Variants in CCDC192 observed in about 807,000 individuals in gnomAD.
CCDC192 encodes the protein coiled-coil domain containing 192, also known as coiled-coil domain-containing protein 192.
At chr5:127,765,635 A>T (rs112841297) in intron 3 of CCDC192, among the ~76,000 whole-genome samples, 3,296 of 152,326 alleles carry the variant, frequency 0.022, 120 homozygotes, top group African/African-American at 0.075. Context: ...CTGTTTGGGA[A>T]TATGAATCAT....
At chr5:127,872,159 GA>G (rs1036585607) in intron 5 of CCDC192, among the ~76,000 whole-genome samples, 27 of 150,130 alleles carry the variant, frequency 1.8e-4, no homozygotes, top group Middle Eastern at 6.8e-3. Context: ...CTGGAGAAAA[GA>G]AAAAAAAAGA....
intron 5 of CCDC192, among the ~76,000 whole-genome samples, chr5:127,815,099 G>A (rs77312389): frequency 0.036 from 5,544 of 152,174 alleles, 226 homozygotes; most frequent in African/African-American, 0.1. Flanking sequence ...ATGCTCAGTA[G>A]TAAGACTCTA....
chr5:127,918,901 TTA>T (rs1284049971), intron 6 of CCDC192, among the ~76,000 whole-genome samples: 7 of 152,078 alleles, frequency 4.6e-5, no homozygotes, highest in East Asian at 1.9e-4. Flanking sequence ...ATGTGTATGT[TTA>T]TGTTTGCATA....
chr5:127,826,942 G>A (rs1317291942), intron 5 of CCDC192, among the ~76,000 whole-genome samples: 1 of 151,994 alleles, frequency 6.6e-6, no homozygotes, highest in African/African-American at 2.4e-5. Flanking sequence ...TTTTAAAAGA[G>A]GAACAATGTT....
intron 6 of CCDC192, among the ~76,000 whole-genome samples, chr5:127,884,342 C>CAAAAAAAAAAAAAAA (rs778430655): frequency 3.4e-4 from 4 of 11,852 alleles, no homozygotes; most frequent in Admixed American, 1.5e-3. Context: ...GACTCCGTCT[C>CAAAAAAAAAAAAAAA]AAAAAAAAAA....
In CCDC192 at chr5:127,792,072, G is replaced by T. The variant is rs527799050; in HGVS notation, c.223-5031G>T. ...TATGCCTGTAATCCCAGCACTTTGG[G>T]AGGCCAAGTTTGGTGGATTGCTTGA... On this transcript the variant is annotated intron_variant, in intron 3 of 6. Coordinates refer to ENST00000514853, the MANE Select transcript of CCDC192 (RefSeq NM_001317938.2). Among the ~76,000 whole-genome samples, 16 of 152,300 alleles carry T rather than the reference G, an allele frequency of 1.1e-4. No homozygotes were observed. In the South Asian group the frequency reaches 3.3e-3, roughly 32 times the overall value.
rs776922427 is a variant in CCDC192, at chr5:127,784,613, G to A, written c.223-12490G>A. ...CACACAGTCAGACCCTTCCTGGAGG[G>A]TTAAGCCAAGTAACTGTAGGTGTGC... On this transcript the variant is annotated intron_variant, in intron 3 of 6. Transcript: ENST00000514853. 1.1e-3 allele frequency: 674 copies of A among 632,150 alleles called. 12 individuals carry two copies. The highest frequency in any genetic ancestry group is 3.9e-4 in the Middle Eastern group (1 of 2,536). 39.2% of individuals were successfully genotyped at this position (632,150 alleles called of 1,614,324 possible). A position where few individuals can be genotyped will look rare whatever the true frequency, so the allele number is the denominator to read the frequency against.
At chr5:127,827,837 C>T (rs1203351814) in intron 5 of CCDC192, among the ~76,000 whole-genome samples, 1 of 152,178 alleles carries the variant, frequency 6.6e-6, no homozygotes, top group African/African-American at 2.4e-5. Context: ...AAATGAGAGG[C>T]ATATACCTCA....
chr5:127,785,043 C>T (rs1756458713), intron 3 of CCDC192: 5 of 489,396 alleles, frequency 1.0e-5, no homozygotes, highest in South Asian at 6.1e-5. Context: ...CCAAAATGTC[C>T]ATTTTAATTT....
rs749630578 is a variant in CCDC192 at position 127,940,844 on chromosome 5, A to G, written c.536-338A>G. 22 of 190,934 alleles carry G rather than the reference A, an allele frequency of 1.2e-4. 1 individual carries two copies. Among genetic ancestry groups the G allele is most frequent in the Non-Finnish European group, 2.2e-4 (21 of 94,346 alleles). The allele number at this position is 190,934 out of a possible 1,614,324, so 11.8% of individuals were successfully genotyped here. On this transcript the variant is annotated intron_variant, in intron 6 of 6. Coordinates refer to ENST00000514853, the MANE Select transcript of CCDC192 (RefSeq NM_001317938.2). The stretch of plus-strand genomic sequence containing the variant: ...AAAGATTCTTAGGGAAAAGAATAAC[A>G]TGAACGTTAGGATGGCCTTTGTTTG...
chr5:127,790,570 A>G (rs1482173543), intron 3 of CCDC192, among the ~76,000 whole-genome samples: 1 of 152,152 alleles, frequency 6.6e-6, no homozygotes, highest in South Asian at 2.1e-4. Flanking sequence ...CTATCTAACT[A>G]TTTTTGTACC....
At chr5:127,829,008 G>A (rs1047610249) in intron 5 of CCDC192, among the ~76,000 whole-genome samples, 1 of 152,124 alleles carries the variant, frequency 6.6e-6, no homozygotes, top group Non-Finnish European at 1.5e-5. Flanking sequence ...GGCAGATATT[G>A]GCTCTCCTTT....
At chr5:127,926,612 G>T (rs1056981819) in intron 6 of CCDC192, among the ~76,000 whole-genome samples, 8 of 152,132 alleles carry the variant, frequency 5.3e-5, no homozygotes, top group African/African-American at 1.7e-4. Flanking sequence ...AAGAGCATGG[G>T]GGTAAAGGAG....
chr5:127,933,548 G>C (rs7708880), intron 6 of CCDC192, among the ~76,000 whole-genome samples: 1 of 152,164 alleles, frequency 6.6e-6, no homozygotes, highest in Non-Finnish European at 1.5e-5. Flanking sequence ...TGAGTGATGC[G>C]AGTGGTTAGA....
intron 3 of CCDC192, among the ~76,000 whole-genome samples, chr5:127,777,674 A>G (rs1352741515): frequency 1.3e-5 from 2 of 152,140 alleles, no homozygotes; most frequent in African/African-American, 2.4e-5. Context: ...TTGTGGGAGG[A>G]AGCCAGTGGA....
chr5:127,878,509 A>G (rs1358756640), intron 6 of CCDC192, among the ~76,000 whole-genome samples: 2 of 152,182 alleles, frequency 1.3e-5, no homozygotes, highest in Non-Finnish European at 2.9e-5. Context: ...AATATCTCCT[A>G]GCCAGGCATG....
intron 6 of CCDC192, among the ~76,000 whole-genome samples, chr5:127,886,752 A>G (rs1264423129): frequency 6.6e-6 from 1 of 152,184 alleles, no homozygotes; most frequent in African/African-American, 2.4e-5. Flanking sequence ...CAAAAGTTGT[A>G]TGTGAATTTT....
At chr5:127,833,218 C>G (rs1053288037) in intron 5 of CCDC192, among the ~76,000 whole-genome samples, 2 of 152,094 alleles carry the variant, frequency 1.3e-5, no homozygotes, top group African/African-American at 4.8e-5. Flanking sequence ...ATTAATTCTC[C>G]TATGGCATAT....
chr5:127,894,395 G>A (rs1197290035), intron 6 of CCDC192, among the ~76,000 whole-genome samples: 3 of 151,954 alleles, frequency 2.0e-5, no homozygotes, highest in South Asian at 4.1e-4. Flanking sequence ...GTTTCACCAT[G>A]TTGGCCAGGA....
Sources: gnomAD v4.1 joint callset for allele counts (sites outside exome capture counted in the v4.1 genomes callset) on GRCh38, gnomAD v4.1.1 for gene constraint, MANE v1.5 for transcripts, NCBI Gene and HGNC (gene_info 2026-07-23, HGNC 2026-07-21) for gene names.